The following NBPF9 variants were observed in gnomAD, a reference collection of about 807,000 sequenced individuals.
NBPF9 encodes the protein NBPF member 9.
NBPF9 carries 91 observed loss-of-function variants against 97.8 expected under a neutral mutation model. The ratio of observed to expected loss-of-function variants is 0.93; its 90% CI spans 0.79 to 1.11. NBPF9 has a LOEUF of 1.11. Ranked by LOEUF, NBPF9 falls within the 50% of genes least tolerant of loss-of-function variation. The pLI is 0.00. For missense variants in NBPF9, 992 were observed against 939.5 expected, an observed-to-expected ratio of 1.06 and a Z score of -0.73; for synonymous variants, 334 against 359.5, an observed-to-expected ratio of 0.93 and a Z score of 0.80.
At chr1:149,101,171 G>A (rs1372036870) in intron 3 of NBPF9, 91 bp downstream of exon 3, 1 of 151,676 alleles carries the variant, frequency 6.6e-6, no homozygotes, top group Admixed American at 6.6e-5. Context: ...TGTCTCACCC[G>A]AGCCTAGGAA....
Position 149,062,747 on chromosome 1 carries a change from A to T in NBPF9, c.2078+115T>A, listed in dbSNP as rs1223833761. The T allele has an allele frequency of 2.1e-5, 16 of 768,894 alleles. No individual in the cohort carries two copies. The Admixed American group carries it at 2.4e-4, about 11-fold the overall frequency. 47.6% of individuals were successfully genotyped at this position (768,894 alleles called of 1,614,324 possible). On this transcript the variant is annotated intron_variant, in intron 21 of 29. Coordinates refer to ENST00000584027, the Ensembl canonical transcript of NBPF9. ...AATGAAAACCAACAGCAATGGCAGT[A>T]GGAGTAATTCAACCTCCGTTGAAAA...
At position 149,073,668 on chromosome 1, in the gene NBPF9, T is replaced by G. The variant is rs2079599692; in HGVS notation, c.1091+100A>C. ...AGCCTGCCATGGCAATTCCTGCCCT[T>G]CCCCTGGCCCAGCTTAGCTCTTACG... is the stretch of plus-strand genomic sequence containing the variant. On this transcript the variant is annotated intron_variant, in intron 13 of 29. Coordinates refer to ENST00000584027, the Ensembl canonical transcript of NBPF9. The G allele has an allele frequency of 5.7e-5, 49 of 861,858 alleles. No homozygotes were observed. In the South Asian group the frequency reaches 5.8e-4, roughly 10 times the overall value. The allele number at this position is 861,858 out of a possible 1,614,324, so 53.4% of individuals were successfully genotyped here. A position where few individuals can be genotyped will look rare whatever the true frequency, so the allele number is the denominator to read the frequency against.
chr1:149,096,134 T>A (rs587619701), intron 4 of NBPF9, among the ~76,000 whole-genome samples: 69 of 151,444 alleles, frequency 4.6e-4, no homozygotes, highest in African/African-American at 1.6e-3. Context: ...ATTCCAACTC[T>A]AGGACATTCT....
At position 149,082,189 on chromosome 1, in the gene NBPF9, C is replaced by T. The variant is rs782685392; in HGVS notation, c.-35-15G>A. ...GGGGCCAGGGACTGGGGAGAAGAAA[C>T]CCAAACATATGATGGGTTAAAAACT... On this transcript the variant is annotated splice_polypyrimidine_tract_variant and intron_variant, in intron 6 of 29. Coordinates refer to ENST00000584027, the Ensembl canonical transcript of NBPF9. 14 of 1,607,166 alleles carry T rather than the reference C, an allele frequency of 8.7e-6. No homozygotes were observed. Among genetic ancestry groups the T allele is most frequent in the East Asian group, 2.2e-5 (1 of 44,738 alleles).
intron 13 of NBPF9, among the ~76,000 whole-genome samples, chr1:149,073,453 A>G (rs587675656): frequency 1.7e-4 from 24 of 142,742 alleles, no homozygotes; most frequent in Non-Finnish European, 3.0e-4. Context: ...TGGGGTGGTG[A>G]TGGCACACCA....
chr1:149,081,509 C>T (rs80143698), intron 7 of NBPF9, among the ~76,000 whole-genome samples: 2 of 151,270 alleles, frequency 1.3e-5, no homozygotes, highest in South Asian at 2.1e-4. Flanking sequence ...CAGGTACTGG[C>T]TACTATCACC....
chr1:149,090,252 T>G (rs1426975119), intron 5 of NBPF9: 1 of 154,456 alleles, frequency 6.5e-6, no homozygotes, highest in Non-Finnish European at 1.4e-5. Flanking sequence ...TGGTTTCTTT[T>G]TGGCTACTTT....
chr1:149,078,898 T>C (rs2080145262), intron 9 of NBPF9, 109 bp downstream of exon 9: 7 of 1,591,034 alleles, frequency 4.4e-6, no homozygotes, highest in Admixed American at 1.7e-5. Context: ...GCCACATATG[T>C]GTAGCAGAAA....
intron 16 of NBPF9, 32 bp downstream of exon 16, chr1:149,070,902 G>A (rs587763103): frequency 1.2e-6 from 2 of 1,602,264 alleles, no homozygotes; most frequent in African/African-American, 1.3e-5. Flanking sequence ...AGCCTAGAGA[G>A]AGGTATGAGA....
intron 21 of NBPF9, 31 bp from the exon 22 acceptor site, chr1:149,062,296 C>A (rs587634619): frequency 1.6e-6 from 1 of 634,538 alleles, no homozygotes; most frequent in Admixed American, 2.7e-5. Flanking sequence ...AAAGAATAAG[C>A]CAGGGGGAAT....
rs1357284871 is a variant in NBPF9, at chr1:149,064,035, C to CACACACAA, written c.1854-231_1854-230insTTGTGTGT. 3.1e-3 allele frequency among the ~76,000 whole-genome samples: 419 copies of CACACACAA among 133,072 alleles called. 10 individuals carry two copies. The highest frequency in any genetic ancestry group is 8.0e-3 in the Middle Eastern group (2 of 250). 87.3% of individuals were successfully genotyped at this position (133,072 alleles called of 152,430 possible). A position where few individuals can be genotyped will look rare whatever the true frequency, so the allele number is the denominator to read the frequency against. On this transcript the variant is annotated intron_variant, in intron 19 of 29. Transcript: ENST00000584027. ...AGACACAGACACACACACACACACACACAGAGCGAGCTGAGTGATTTGGTC... is the reference window on the plus strand; with the variant it reads ...AGACACAGACACACACACACACACACACACACAAACAGAGCGAGCTGAGTGATTTGGTC...
intron 13 of NBPF9, among the ~76,000 whole-genome samples, chr1:149,073,238 CATGG>C (rs1256085615): frequency 3.4e-5 from 5 of 146,374 alleles, no homozygotes; most frequent in Non-Finnish European, 1.5e-5. Context: ...TCACTCTGGC[CATGG>C]ACATTTCCAT....
chr1:149,063,038 A>G (rs1387539555), intron 20 of NBPF9, 125 bp from the exon 21 acceptor site: 4 of 564,414 alleles, frequency 7.1e-6, no homozygotes, highest in South Asian at 6.0e-5. Context: ...ACTGTGAGAG[A>G]TATTCTTCAG....
Position 149,082,179 on chromosome 1 carries a change from G to A in NBPF9, c.-35-5C>T, listed in dbSNP as rs1247015434. Reference sequence around the variant, plus strand: ...CAGAAGAGGTGGGGCCAGGGACTGGGGAGAAGAAACCCAAACATATGATGG... The same window carrying A: ...CAGAAGAGGTGGGGCCAGGGACTGGAGAGAAGAAACCCAAACATATGATGG... On this transcript the variant is annotated splice_polypyrimidine_tract_variant and splice_region_variant and intron_variant, in intron 6 of 29. Transcript: ENST00000584027. 1.9e-6 allele frequency: 3 copies of A among 1,611,748 alleles called. No homozygotes were observed. Among genetic ancestry groups the A allele is most frequent in the Non-Finnish European group, 2.5e-6 (3 of 1,179,682 alleles).
At position 149,074,120 on chromosome 1, in the gene NBPF9, C is replaced by T. The variant is rs587623479; in HGVS notation, c.989-250G>A. Among the ~76,000 whole-genome samples the T allele has an allele frequency of 3.0e-4, 46 of 151,400 alleles. 3 individuals are homozygous for T. The highest frequency in any genetic ancestry group is 2.1e-3 in the South Asian group (10 of 4,790). On this transcript the variant is annotated intron_variant, in intron 12 of 29. Transcript: ENST00000584027. ...AGTTGACAAGATGATTCAACCACAA[C>T]GAAGTGGAGTCAGAATTCACAGTCC... is the stretch of plus-strand genomic sequence containing the variant.
At chr1:149,063,948 A>T in intron 19 of NBPF9, 143 bp from the exon 20 acceptor site, 4 of 679,724 alleles carry the variant, frequency 5.9e-6, no homozygotes, top group South Asian at 1.7e-5. Context: ...TATTGCCTTT[A>T]TGTTGGGATA....
chr1:149,070,799 A>G, intron 16 of NBPF9, 135 bp downstream of exon 16: 1 of 1,493,056 alleles, frequency 6.7e-7, no homozygotes, highest in Non-Finnish European at 9.3e-7. Flanking sequence ...AGAAGGACAA[A>G]AAACTCCCTG....
intron 15 of NBPF9, 119 bp from the exon 16 acceptor site, chr1:149,071,258 G>C: frequency 7.5e-7 from 1 of 1,335,426 alleles, no homozygotes; most frequent in Non-Finnish European, 1.1e-6. Flanking sequence ...AAGCAAAATG[G>C]AGGTTCCCAT....
intron 11 of NBPF9, among the ~76,000 whole-genome samples, chr1:149,076,800 G>T (rs1398909741): frequency 6.6e-6 from 1 of 151,210 alleles, no homozygotes; most frequent in Non-Finnish European, 1.5e-5. Flanking sequence ...GACCCACTGC[G>T]CCCAGCCGAG....
Sources: allele counts gnomAD v4.1 joint callset (sites outside exome capture counted in the v4.1 genomes callset), GRCh38; gene constraint gnomAD v4.1.1; transcripts MANE v1.5; gene names NCBI Gene and HGNC (gene_info 2026-07-23, HGNC 2026-07-21).